Variants in TMEM143 observed in about 807,000 individuals in gnomAD.
TMEM143 encodes the protein transmembrane protein 143.
TMEM143 carries 45 observed loss-of-function variants against 40.3 expected under a neutral mutation model. That is an observed-to-expected ratio of 1.12 (90% confidence interval 0.88 to 1.43). The LOEUF (loss-of-function observed/expected upper bound fraction) is 1.43. Among genes scored for constraint, TMEM143 ranks in the 40% most tolerant of loss-of-function variants. The probability of loss-of-function intolerance (pLI) is 0.00; values close to 1 mark genes in which losing one functional copy is unlikely to be tolerated. For synonymous variants in TMEM143, 299 were observed against 282.7 expected (o/e 1.06, Z -0.58); for missense variants, 620 against 613.4 (o/e 1.01, Z -0.11).
intron 3 of TMEM143, among the ~76,000 whole-genome samples, chr19:48,353,203 G>A (rs1208353766): frequency 2.7e-5 from 4 of 147,430 alleles, no homozygotes; most frequent in Non-Finnish European, 6.0e-5. Context: ...TTTTTTAAAC[G>A]GGGTCTCACT....
chr19:48,345,249 G>T lies in TMEM143; in HGVS notation c.475C>A (p.Pro159Thr), dbSNP rs144460855. The T allele has an allele frequency of 6.3e-4, 1,010 of 1,613,316 alleles. 6 individuals are homozygous for T. The African/African-American group carries it at 0.011, about 17-fold the overall frequency. ...GAGAAGTTGGCCTGGGCCAGCAGGG[G>T]CTCCAGAGCCCGAAGCACCTCCTGC... ...NEQEVLRALE[P>T]LLAQANFSPL... The change falls in exon 4 of 8, where the codon CCC becomes ACC. Residue 159 changes from proline (P) to threonine (T), a missense_variant. Coordinates refer to ENST00000293261, the MANE Select transcript of TMEM143 (RefSeq NM_018273.4).
At chr19:48,352,738 G>A (rs1325016892) in intron 3 of TMEM143, among the ~76,000 whole-genome samples, 2 of 151,950 alleles carry the variant, frequency 1.3e-5, no homozygotes, top group Non-Finnish European at 2.9e-5. Context: ...TCACACCACT[G>A]CACTCCAGCC....
In TMEM143 at chr19:48,333,322, G is replaced by A. The variant is rs149818914; in HGVS notation, c.1277C>T (p.Pro426Leu). The A allele has an allele frequency of 3.7e-6, 6 of 1,608,016 alleles. No individual in the cohort carries two copies. The East Asian group carries it at 1.1e-4, about 30-fold the overall frequency. The change falls in exon 8 of 8, where the codon CCC becomes CTC. Residue 426 changes from proline (P) to leucine (L), a missense_variant. By Grantham distance (98) the Pro-to-Leu change is moderately conservative. Coordinates refer to ENST00000293261, the MANE Select transcript of TMEM143 (RefSeq NM_018273.4). This position sits in a 1 kb window ranked among gnomAD's most constrained non-coding sequence, Gnocchi z 4.1. The part of the protein sequence containing the change: ...RALAHLQALT[P>L]SMGLYPPPGF... Reference sequence around the variant, plus strand: ...CGGGGGTGGGTACAATCCCATGCTGGGGGTCAGGGCCTGCAGATGCGCCAG... The same window carrying A: ...CGGGGGTGGGTACAATCCCATGCTGAGGGTCAGGGCCTGCAGATGCGCCAG...
At chr19:48,352,261 A>AAAAAAAAAAAC (rs930196732) in intron 3 of TMEM143, among the ~76,000 whole-genome samples, 1 of 143,806 alleles carries the variant, frequency 7.0e-6, no homozygotes, top group African/African-American at 2.8e-5. Context: ...AAAAAAAAAA[A>AAAAAAAAAAAC]ACACCATATC....
rs1455056302 is a variant in TMEM143 at position 48,332,876 on chromosome 19, C to T, written c.*343G>A. On this transcript the variant is annotated 3_prime_UTR_variant, in exon 8 of 8. Transcript: ENST00000293261. ...GCGCAGCTTTAACTCTTCTACCTGG[C>T]GGTTTACAGAAGCCAGAGCTGAGCA... 5.2e-6 allele frequency: 1 copy of T among 190,558 alleles called. No individual in the cohort carries two copies. The highest frequency in any genetic ancestry group is 1.1e-5 in the Non-Finnish European group (1 of 93,544). 11.8% of individuals were successfully genotyped at this position (190,558 alleles called of 1,614,324 possible).
chr19:48,343,005 G>A, intron 5 of TMEM143, 196 bp from the exon 6 acceptor site: 1 of 713,866 alleles, frequency 1.4e-6, no homozygotes. Flanking sequence ...TCGATCCCTG[G>A]TATTGGACGT....
chr19:48,340,688 G>A (rs1048270133), intron 6 of TMEM143, among the ~76,000 whole-genome samples: 8 of 152,144 alleles, frequency 5.3e-5, no homozygotes, highest in East Asian at 1.9e-4. Flanking sequence ...CAGAGGCACC[G>A]GGCCTCCCTG....
rs1969267329 is a variant in TMEM143 at position 48,333,509 on chromosome 19, T to C, written c.1166-76A>G. 2 of 1,023,862 alleles carry C rather than the reference T, an allele frequency of 2.0e-6. No individual in the cohort carries two copies. The highest frequency in any genetic ancestry group is 2.9e-6 in the Non-Finnish European group (2 of 686,806). 63.4% of individuals were successfully genotyped at this position (1,023,862 alleles called of 1,614,324 possible). A position where few individuals can be genotyped will look rare whatever the true frequency, so the allele number is the denominator to read the frequency against. ...TTCGAGGGAGCAGCAAGGAGGGGCG[T>C]AGGGCAAAGAACAGGAAGGGCCTGG... is the stretch of plus-strand genomic sequence containing the variant. On this transcript the variant is annotated intron_variant, in intron 7 of 7. Coordinates refer to ENST00000293261, the MANE Select transcript of TMEM143 (RefSeq NM_018273.4). The surrounding 1 kb of genome is among the most constrained non-coding windows in gnomAD (Gnocchi z 4.1).
At chr19:48,363,720 T>C in intron 1 of TMEM143, 178 bp downstream of exon 1, 1 of 1,359,644 alleles carries the variant, frequency 7.4e-7, no homozygotes. Flanking sequence ...CAGACAGGGG[T>C]CAGAGGTCTT....
chr19:48,353,544 C>G (rs1969821341), intron 3 of TMEM143, among the ~76,000 whole-genome samples: 1 of 151,804 alleles, frequency 6.6e-6, no homozygotes, highest in African/African-American at 2.4e-5. Context: ...GACTGTATTG[C>G]ATAGGACACA....
At chr19:48,357,926 CAG>C (rs1412835281) in intron 3 of TMEM143, among the ~76,000 whole-genome samples, 1 of 127,094 alleles carries the variant, frequency 7.9e-6, no homozygotes, top group Admixed American at 9.1e-5. Flanking sequence ...TTTGGGGACT[CAG>C]GGAGGGGGGT....
At chr19:48,362,154 TTGTGTGTATTTGTG>T (rs796946160) in intron 2 of TMEM143, among the ~76,000 whole-genome samples, 49 of 145,066 alleles carry the variant, frequency 3.4e-4, no homozygotes, top group Middle Eastern at 3.4e-3. Flanking sequence ...ATGCATATAC[TTGTGTGTATTTGTG>T]TGTGTGTATT....
At chr19:48,355,059 C>G (rs1446897766) in intron 3 of TMEM143, among the ~76,000 whole-genome samples, 2 of 151,942 alleles carry the variant, frequency 1.3e-5, no homozygotes, top group Non-Finnish European at 2.9e-5. Flanking sequence ...CTCTGTCACC[C>G]AGGCTGGAGT....
At position 48,333,953 on chromosome 19, in the gene TMEM143, C is replaced by T; in HGVS notation, c.1165+55G>A. 1.4e-6 allele frequency: 2 copies of T among 1,451,422 alleles called. No individual in the cohort carries two copies. The highest frequency in any genetic ancestry group is 1.8e-6 in the Non-Finnish European group (2 of 1,099,974). 89.9% of individuals were successfully genotyped at this position (1,451,422 alleles called of 1,614,324 possible). ...GGGGTGGGGACGCATCTCGCTGGGG[C>T]GGGGCCTCGCGGGGGTGTGGCCCCT... On this transcript the variant is annotated intron_variant, in intron 7 of 7. Transcript: ENST00000293261. The surrounding 1 kb of genome is among the most constrained non-coding windows in gnomAD (Gnocchi z 4.1).
At chr19:48,362,142 G>T (rs892129590) in intron 2 of TMEM143, among the ~76,000 whole-genome samples, 1 of 144,474 alleles carries the variant, frequency 6.9e-6, no homozygotes, top group African/African-American at 2.9e-5. Context: ...GTGTGTACTT[G>T]TATGCATATA....
At chr19:48,334,274 G>C in intron 6 of TMEM143, 77 bp from the exon 7 acceptor site, 1 of 1,444,350 alleles carries the variant, frequency 6.9e-7, no homozygotes, top group Non-Finnish European at 9.2e-7. Context: ...GGTCACCCCC[G>C]CTGGCACGGC....
At chr19:48,363,792 T>C in intron 1 of TMEM143, 106 bp downstream of exon 1, 7 of 1,576,584 alleles carry the variant, frequency 4.4e-6, no homozygotes, top group Non-Finnish European at 6.1e-6. Context: ...CTTTGGGGTC[T>C]AGACAGCGAG....
chr19:48,346,509 C>A (rs1374954863), intron 3 of TMEM143, among the ~76,000 whole-genome samples: 1 of 152,176 alleles, frequency 6.6e-6, no homozygotes, highest in African/African-American at 2.4e-5. Context: ...ACTGAAGCCA[C>A]CTTCATCTCT....
At chr19:48,347,362 T>G (rs1969657050) in intron 3 of TMEM143, among the ~76,000 whole-genome samples, 1 of 152,036 alleles carries the variant, frequency 6.6e-6, no homozygotes, top group Non-Finnish European at 1.5e-5. Flanking sequence ...AAGTGAAGGT[T>G]TGGTCATGGG....
Sources: gnomAD v4.1 joint callset for allele counts (sites outside exome capture counted in the v4.1 genomes callset) on GRCh38, gnomAD v4.1.1 for gene constraint, Gnocchi (gnomAD v3.1) non-coding constraint, MANE v1.5 for transcripts, NCBI Gene and HGNC (gene_info 2026-07-23, HGNC 2026-07-21) for gene names.